TFB1M: variants seen among roughly 807,000 people sequenced by gnomAD.
The protein encoded by TFB1M is transcription factor B1, mitochondrial.
In TFB1M, 27 loss-of-function variants were observed where a neutral mutation model predicts 31.1. The ratio of observed to expected loss-of-function variants is 0.87; its 90% CI spans 0.64 to 1.20. TFB1M has a LOEUF of 1.20. TFB1M is among the 50% of genes most tolerant of loss of function. The probability of loss-of-function intolerance (pLI) is 0.00; values close to 1 mark genes in which losing one functional copy is unlikely to be tolerated. For synonymous variants in TFB1M, 166 were observed against 151.8 expected (o/e 1.09, Z -0.69); for missense variants, 394 against 418.7 (o/e 0.94, Z 0.51).
chr6:155,254,083 A>G, downstream of TFB1M: 1 of 1,600,138 alleles, frequency 6.2e-7, no homozygotes, highest in Non-Finnish European at 8.5e-7. Flanking sequence ...TCCAAAGATT[A>G]AAACCAACAG....
intron 2 of TFB1M, among the ~76,000 whole-genome samples, chr6:155,310,378 G>A (rs1306495167): frequency 6.6e-6 from 1 of 152,128 alleles, no homozygotes; most frequent in Non-Finnish European, 1.5e-5. Context: ...CTATTTCACT[G>A]TTTGCCAGCG....
chr6:155,268,650 C>T (rs903046396), intron 5 of TFB1M, among the ~76,000 whole-genome samples: 2 of 151,992 alleles, frequency 1.3e-5, no homozygotes, highest in Non-Finnish European at 2.9e-5. Context: ...TGACCTTACC[C>T]CCAACCCGGT....
chr6:155,254,217 T>G (rs370449682), downstream of TFB1M: 6 of 986,120 alleles, frequency 6.1e-6, no homozygotes, highest in Non-Finnish European at 8.9e-6. Context: ...TAGGAGACTA[T>G]GTTGATTAAA....
chr6:155,256,465 T>TG lies in TFB1M; in HGVS notation c.*1370dup. On this transcript the variant is annotated 3_prime_UTR_variant, in exon 7 of 7. Coordinates refer to ENST00000367166, the MANE Select transcript of TFB1M (RefSeq NM_016020.4). ...AACCTGTTTCTGTATCACAGCGAAATGTGTTTTTCTCACTGTAGCTTCATC... is the reference window on the plus strand; with the variant it reads ...AACCTGTTTCTGTATCACAGCGAAATGGTGTTTTTCTCACTGTAGCTTCATC... 6.2e-7 allele frequency: 1 copy of TG among 1,614,016 alleles called. No individual in the cohort carries two copies.
chr6:155,245,319 C>A, the TFB1M span, among the ~76,000 whole-genome samples: 1 of 152,328 alleles, frequency 6.6e-6, no homozygotes, highest in South Asian at 2.1e-4. Flanking sequence ...TATTAGTGAA[C>A]CTCTCTCAGA....
intron 5 of TFB1M, among the ~76,000 whole-genome samples, chr6:155,262,817 G>A (rs1030460598): frequency 6.6e-6 from 1 of 152,080 alleles, no homozygotes; most frequent in Non-Finnish European, 1.5e-5. Context: ...GATATAGTTG[G>A]TATTTGCAAA....
intron 5 of TFB1M, among the ~76,000 whole-genome samples, chr6:155,262,281 C>T (rs1360108965): frequency 1.3e-5 from 2 of 152,190 alleles, no homozygotes; most frequent in African/African-American, 4.8e-5. Flanking sequence ...CCAAGACACA[C>T]TCCACTGACT....
At chr6:155,275,933 T>C in intron 5 of TFB1M, 1 of 1,614,072 alleles carries the variant, frequency 6.2e-7, no homozygotes, top group Non-Finnish European at 8.5e-7. Flanking sequence ...CTCCATTCTG[T>C]CCCTCCCCAT....
downstream of TFB1M, chr6:155,252,036 CT>C: frequency 6.6e-7 from 1 of 1,524,634 alleles, no homozygotes; most frequent in Non-Finnish European, 9.0e-7. Context: ...TTTAAGCTAC[CT>C]TTTCATAGCT....
intron 2 of TFB1M, among the ~76,000 whole-genome samples, chr6:155,302,825 A>G (rs1409627022): frequency 6.6e-6 from 1 of 152,120 alleles, no homozygotes; most frequent in Non-Finnish European, 1.5e-5. Flanking sequence ...TTTATAAAGG[A>G]GAGATGTTTA....
At chr6:155,285,039 T>C in intron 5 of TFB1M, 119 bp downstream of exon 5, 1 of 1,309,860 alleles carries the variant, frequency 7.6e-7, no homozygotes, top group East Asian at 2.4e-5. Flanking sequence ...AGAAGTAAAG[T>C]ACAGTGTCAG....
chr6:155,304,270 G>C (rs927423595), intron 2 of TFB1M, among the ~76,000 whole-genome samples: 1 of 151,972 alleles, frequency 6.6e-6, no homozygotes, highest in Admixed American at 6.6e-5. Flanking sequence ...CACCAGGAGC[G>C]AAACTCTTGT....
intron 5 of TFB1M, among the ~76,000 whole-genome samples, chr6:155,280,394 G>T (rs909463794): frequency 1.3e-5 from 2 of 152,154 alleles, no homozygotes; most frequent in Non-Finnish European, 2.9e-5. Context: ...CAATAAGCTG[G>T]TCCCTTGCCT....
chr6:155,270,703 G>T (rs1460310213), intron 5 of TFB1M, among the ~76,000 whole-genome samples: 1 of 152,128 alleles, frequency 6.6e-6, no homozygotes, highest in Non-Finnish European at 1.5e-5. Context: ...GAGCAGCCGG[G>T]TCCCTCCATC....
At chr6:155,309,832 A>G (rs757913589) in intron 2 of TFB1M, among the ~76,000 whole-genome samples, 1 of 152,208 alleles carries the variant, frequency 6.6e-6, no homozygotes, top group African/African-American at 2.4e-5. Flanking sequence ...AATTCTTAAA[A>G]TAAGAACACA....
downstream of TFB1M, chr6:155,252,938 C>T (rs1246318260): frequency 1.2e-6 from 2 of 1,612,912 alleles, no homozygotes; most frequent in Non-Finnish European, 1.7e-6. Flanking sequence ...GGTGGGCCTT[C>T]ATGTTACAGC....
At chr6:155,283,361 T>C (rs1211890400) in intron 5 of TFB1M, among the ~76,000 whole-genome samples, 2 of 152,180 alleles carry the variant, frequency 1.3e-5, no homozygotes. Context: ...CTGTATGTAA[T>C]AGTTACAATA....
chr6:155,277,802 T>A lies in TFB1M; in HGVS notation c.666+7356A>T, dbSNP rs190465525. ...ACACAAGTGTCATACTAAAAAGAAT[T>A]CTGATGCAAAGAATGATTTCATGCA... On this transcript the variant is annotated intron_variant, in intron 5 of 6. Coordinates refer to ENST00000367166, the MANE Select transcript of TFB1M (RefSeq NM_016020.4). Among the ~76,000 whole-genome samples, 7 of 152,304 alleles carry A rather than the reference T, an allele frequency of 4.6e-5. No homozygotes were observed. The East Asian group carries it at 1.3e-3, about 29-fold the overall frequency.
At chr6:155,296,787 GTCA>G (rs1044385633) in intron 4 of TFB1M, among the ~76,000 whole-genome samples, 163 bp downstream of exon 4, 1 of 151,780 alleles carries the variant, frequency 6.6e-6, no homozygotes, top group African/African-American at 2.4e-5. Flanking sequence ...AGTTACATCT[GTCA>G]TCATCATCAA....
Sources: allele counts gnomAD v4.1 joint callset (sites outside exome capture counted in the v4.1 genomes callset), GRCh38; gene constraint gnomAD v4.1.1; transcripts MANE v1.5; gene names NCBI Gene and HGNC (gene_info 2026-07-23, HGNC 2026-07-21).